The following CHODL variants were observed in gnomAD, a reference collection of about 807,000 sequenced individuals.
CHODL encodes the protein transmembrane protein MT75.
CHODL carries 29 observed loss-of-function variants against 34.5 expected under a neutral mutation model. That is an observed-to-expected ratio of 0.84 (90% CI 0.63 to 1.15). The LOEUF (loss-of-function observed/expected upper bound fraction) is 1.15, where lower values mean the gene tolerates loss of function less well. Among genes scored for constraint, CHODL ranks in the 50% most tolerant of loss-of-function variants. The pLI is 0.00. For synonymous variants in CHODL, 125 were observed against 116.1 expected (o/e 1.08, Z -0.49); for missense variants, 332 against 332.5 (o/e 1.00, Z 0.01).
chr21:17,986,148 TTC>T (rs1321310658), intron 1 of CHODL, among the ~76,000 whole-genome samples: 1 of 152,134 alleles, frequency 6.6e-6, no homozygotes, highest in African/African-American at 2.4e-5. Context: ...TTTTATTTTT[TTC>T]TCTGTTTTTA....
chr21:18,020,529 AT>A (rs1405034460), intron 1 of CHODL, among the ~76,000 whole-genome samples: 1 of 152,168 alleles, frequency 6.6e-6, no homozygotes, highest in Non-Finnish European at 1.5e-5. Context: ...TTTTGGCCTA[AT>A]TTTGAGAGAT....
chr21:18,256,760 A>G lies in CHODL; in HGVS notation c.331A>G (p.Thr111Ala). 1 of 1,614,116 alleles carries G rather than the reference A, an allele frequency of 6.2e-7. No individual in the cohort carries two copies. The highest frequency in any genetic ancestry group is 8.5e-7 in the Non-Finnish European group (1 of 1,179,974). Residue 111 changes from threonine (T) to alanine (A), a missense_variant, in exon 2 of 6, where the codon ACA (threonine) becomes GCA (alanine). Coordinates refer to ENST00000299295, the MANE Select transcript of CHODL (RefSeq NM_024944.3). ...GCTTTGGAGGAATGGAGATGGGCAA[A>G]CATCTGGTGCCTGCCCAGATCTCTA... The part of the protein sequence containing the change: ...IGLWRNGDGQ[T>A]SGACPDLYQW...
At chr21:17,959,006 C>G (rs927520076) in intron 1 of CHODL, among the ~76,000 whole-genome samples, 1 of 151,860 alleles carries the variant, frequency 6.6e-6, no homozygotes, top group Non-Finnish European at 1.5e-5. Flanking sequence ...TCTTTTTTGC[C>G]TCTAAAGACA....
chr21:18,048,970 C>CACTAAAG (rs1462806641), intron 2 of CHODL, among the ~76,000 whole-genome samples: 1 of 151,848 alleles, frequency 6.6e-6, no homozygotes, highest in East Asian at 1.9e-4. Context: ...TTTCAGATGA[C>CACTAAAG]ACTAAAGAAC....
intron 1 of CHODL, among the ~76,000 whole-genome samples, chr21:18,023,089 A>C (rs1015687095): frequency 2.6e-5 from 4 of 152,170 alleles, no homozygotes; most frequent in African/African-American, 7.2e-5. Context: ...CCAGCACTGG[A>C]GTGTCTGTCT....
chr21:18,203,825 T>C (rs2073682603), intron 2 of CHODL, among the ~76,000 whole-genome samples: 1 of 152,168 alleles, frequency 6.6e-6, no homozygotes, highest in South Asian at 2.1e-4. Flanking sequence ...GTGTTTTAGA[T>C]AACCTGGGAA....
At chr21:18,099,649 G>A (rs1403895025) in intron 2 of CHODL, among the ~76,000 whole-genome samples, 1 of 151,986 alleles carries the variant, frequency 6.6e-6, no homozygotes, top group East Asian at 1.9e-4. Context: ...TGGAAGCCAA[G>A]CAACAATTTT....
chr21:17,984,981 T>C (rs1359089767), intron 1 of CHODL, among the ~76,000 whole-genome samples: 1 of 152,164 alleles, frequency 6.6e-6, no homozygotes, highest in East Asian at 1.9e-4. Flanking sequence ...AACTTCACAA[T>C]ACATCTTAAT....
At chr21:18,150,485 G>A (rs918644912) in intron 2 of CHODL, among the ~76,000 whole-genome samples, 10 of 152,112 alleles carry the variant, frequency 6.6e-5, no homozygotes, top group African/African-American at 2.2e-4. Context: ...GGTATCCCAA[G>A]ATCACAATGC....
chr21:18,129,918 GTGTGTGTGTGTC>G (rs1343804643), intron 2 of CHODL, among the ~76,000 whole-genome samples: 2 of 148,814 alleles, frequency 1.3e-5, no homozygotes, highest in East Asian at 2.7e-4. Flanking sequence ...GTGTGTGTGT[GTGTGTGTGTGTC>G]TGTGTGTGTG....
intron 2 of CHODL, among the ~76,000 whole-genome samples, chr21:18,219,809 T>C (rs1329494390): frequency 1.3e-5 from 2 of 152,114 alleles, no homozygotes; most frequent in African/African-American, 4.8e-5. Context: ...TTATTTGAGT[T>C]CCTTATATAT....
intron 2 of CHODL, among the ~76,000 whole-genome samples, chr21:18,059,502 T>C (rs556485398): frequency 6.6e-5 from 10 of 152,190 alleles, no homozygotes; most frequent in Middle Eastern, 3.4e-3. Context: ...TCTTTTTTTT[T>C]TTTTTTTCCA....
At chr21:18,241,055 C>T (rs2074077241), upstream of CHODL, among the ~76,000 whole-genome samples, 1 of 152,048 alleles carries the variant, frequency 6.6e-6, no homozygotes, top group African/African-American at 2.4e-5. Flanking sequence ...TGAGGTAGGT[C>T]ATGTATTCTA....
chr21:18,204,830 A>G (rs749971105), intron 2 of CHODL, among the ~76,000 whole-genome samples: 4 of 152,174 alleles, frequency 2.6e-5, no homozygotes, highest in Non-Finnish European at 5.9e-5. Context: ...AATATATACC[A>G]TATTAAATAT....
chr21:18,037,680 TA>T (rs1461512548), intron 2 of CHODL, among the ~76,000 whole-genome samples: 2 of 151,608 alleles, frequency 1.3e-5, no homozygotes, highest in Non-Finnish European at 3.0e-5. Context: ...TCAGAGAGAA[TA>T]AAGAGAGACC....
At chr21:17,959,969 T>C (rs1348967873) in intron 1 of CHODL, among the ~76,000 whole-genome samples, 1 of 152,106 alleles carries the variant, frequency 6.6e-6, no homozygotes. Context: ...GGTATCAGTA[T>C]TGATATGGGC....
At chr21:18,203,802 G>C (rs1424040159) in intron 2 of CHODL, among the ~76,000 whole-genome samples, 1 of 152,106 alleles carries the variant, frequency 6.6e-6, no homozygotes, top group African/African-American at 2.4e-5. Context: ...TCAGTTAAAA[G>C]AAAAGCAGTC....
At chr21:18,006,107 T>G (rs763499518) in intron 1 of CHODL, among the ~76,000 whole-genome samples, 5 of 152,206 alleles carry the variant, frequency 3.3e-5, no homozygotes, top group Non-Finnish European at 7.3e-5. Context: ...CCACGCAAGA[T>G]GTGACTTGCT....
chr21:18,145,733 T>C (rs898266199), intron 2 of CHODL, among the ~76,000 whole-genome samples: 1 of 152,174 alleles, frequency 6.6e-6, no homozygotes, highest in African/African-American at 2.4e-5. Flanking sequence ...AGAATATGGC[T>C]TGAGTTTGTT....
Sources: gnomAD v4.1 joint callset for allele counts (sites outside exome capture counted in the v4.1 genomes callset) on GRCh38, gnomAD v4.1.1 for gene constraint, MANE v1.5 for transcripts, NCBI Gene and HGNC (gene_info 2026-07-23, HGNC 2026-07-21) for gene names.